DIAPH2: variants seen among roughly 807,000 people sequenced by gnomAD.
The protein encoded by DIAPH2 is diaphanous related formin 2.
In DIAPH2, 35 loss-of-function variants were observed where a neutral mutation model predicts 92.7. The observed-to-expected ratio is 0.38, with a 90% CI of 0.29 to 0.50. The LOEUF (loss-of-function observed/expected upper bound fraction) is 0.50, where lower values mean the gene tolerates loss of function less well. Among genes scored for constraint, DIAPH2 ranks in the 20% least tolerant of loss-of-function variants. The pLI, the probability that DIAPH2 is intolerant of heterozygous loss-of-function variation, is 0.94. For synonymous variants in DIAPH2, 301 were observed against 280.4 expected (o/e 1.07, Z -0.73); for missense variants, 701 against 819.5 (o/e 0.86, Z 1.77).
chrX:97,490,548 T>C (rs1166685464), intron 26 of DIAPH2, among the ~76,000 whole-genome samples: 2 of 110,357 alleles, frequency 1.8e-5, no homozygotes, highest in Non-Finnish European at 3.8e-5. Context: ...TTTATCACCA[T>C]AAATATCCCT....
intron 13 of DIAPH2, among the ~76,000 whole-genome samples, chrX:96,943,209 A>G (rs2065717058): frequency 9.0e-6 from 1 of 111,353 alleles, no homozygotes; most frequent in East Asian, 2.8e-4. Flanking sequence ...TAATGTCTGT[A>G]TAATATTCCA....
chrX:97,153,337 C>A (rs951318272), intron 22 of DIAPH2, among the ~76,000 whole-genome samples: 2 of 111,282 alleles, frequency 1.8e-5, no homozygotes, highest in Admixed American at 1.9e-4. Flanking sequence ...AATCCCAGCA[C>A]TTTGGGAGGC....
intron 21 of DIAPH2, among the ~76,000 whole-genome samples, chrX:97,138,558 T>C (rs2067188580): frequency 8.9e-6 from 1 of 112,129 alleles, no homozygotes; most frequent in Non-Finnish European, 1.9e-5. Context: ...ATATGGTTTA[T>C]TAACTGATGA....
chrX:96,714,180 A>G (rs1297071115), intron 1 of DIAPH2, among the ~76,000 whole-genome samples: 1 of 109,320 alleles, frequency 9.1e-6, no homozygotes, highest in African/African-American at 3.3e-5. Flanking sequence ...TCATTACCTC[A>G]TTGATTTAGT....
At chrX:96,825,255 C>A (rs981309578) in intron 4 of DIAPH2, among the ~76,000 whole-genome samples, 2 of 108,945 alleles carry the variant, frequency 1.8e-5, no homozygotes, top group Non-Finnish European at 3.8e-5. Context: ...CATGCCTGGC[C>A]GTATTAATGT....
intron 17 of DIAPH2, among the ~76,000 whole-genome samples, chrX:97,044,913 A>G (rs2066471005): frequency 2.7e-5 from 3 of 111,669 alleles, no homozygotes; most frequent in Non-Finnish European, 5.7e-5. Flanking sequence ...ACTCTTCTTA[A>G]GAACTCCAGT....
chrX:96,723,202 T>G (rs777376769), intron 1 of DIAPH2, among the ~76,000 whole-genome samples: 1 of 112,071 alleles, frequency 8.9e-6, no homozygotes, highest in East Asian at 2.8e-4. Context: ...GTGGGTCAAG[T>G]TTGACTTAAG....
intron 26 of DIAPH2, among the ~76,000 whole-genome samples, chrX:97,474,315 A>G (rs2070587233): frequency 2.7e-5 from 3 of 112,996 alleles, no homozygotes; most frequent in African/African-American, 6.4e-5. Flanking sequence ...AAAAATAGTA[A>G]TAAAAGCAAC....
chrX:96,867,173 G>A (rs1042146119), intron 4 of DIAPH2, among the ~76,000 whole-genome samples: 7 of 111,651 alleles, frequency 6.3e-5, no homozygotes, highest in Non-Finnish European at 9.4e-5. Context: ...AAGTCTATAC[G>A]CTCAAGTACT....
chrX:97,214,152 G>A (rs143091063), intron 22 of DIAPH2, among the ~76,000 whole-genome samples: 170 of 112,577 alleles, frequency 1.5e-3, no homozygotes, highest in African/African-American at 5.3e-3. Flanking sequence ...ATAACTTGAA[G>A]ACCAATCTTC....
At chrX:97,236,591 C>T (rs1361803308) in intron 22 of DIAPH2, among the ~76,000 whole-genome samples, 1 of 98,320 alleles carries the variant, frequency 1.0e-5, no homozygotes, top group Non-Finnish European at 2.0e-5. Context: ...ATCGCCCAGG[C>T]TGGAGTGCAG....
chrX:96,844,085 G>A (rs1050107912), intron 4 of DIAPH2, among the ~76,000 whole-genome samples: 2 of 111,912 alleles, frequency 1.8e-5, no homozygotes, highest in African/African-American at 6.5e-5. Context: ...ATAAGTGGCG[G>A]AATAGCATCC....
intron 23 of DIAPH2, among the ~76,000 whole-genome samples, chrX:97,325,647 G>A (rs771734538): frequency 2.2e-4 from 24 of 108,629 alleles, no homozygotes; most frequent in African/African-American, 7.7e-4. Flanking sequence ...GTGTGATCTC[G>A]GCTCACTGCA....
intron 23 of DIAPH2, among the ~76,000 whole-genome samples, chrX:97,275,708 T>C (rs753806359): frequency 3.8e-4 from 37 of 96,664 alleles, no homozygotes; most frequent in Middle Eastern, 0.014. Flanking sequence ...ACTCCCCACA[T>C]CTCAGACGAT....
At chrX:97,390,585 T>G (rs1234947316) in intron 25 of DIAPH2, among the ~76,000 whole-genome samples, 1 of 110,494 alleles carries the variant, frequency 9.1e-6, no homozygotes, top group Admixed American at 9.7e-5. Flanking sequence ...AAGGCTGGAG[T>G]GCAGTGATGC....
chrX:97,501,026 A>T (rs1312829343), intron 26 of DIAPH2, among the ~76,000 whole-genome samples: 1 of 109,158 alleles, frequency 9.2e-6, no homozygotes, highest in Non-Finnish European at 1.9e-5. Context: ...TTGTTGTCTA[A>T]AATGAATTTA....
At chrX:96,898,557 A>T (rs1025776814) in intron 5 of DIAPH2, among the ~76,000 whole-genome samples, 7 of 101,448 alleles carry the variant, frequency 6.9e-5, no homozygotes, top group African/African-American at 2.4e-4. Flanking sequence ...TCCTTCGCCC[A>T]CTTTTTGATG....
intron 21 of DIAPH2, among the ~76,000 whole-genome samples, chrX:97,122,400 G>C (rs2067064512): frequency 9.0e-6 from 1 of 111,344 alleles, no homozygotes; most frequent in African/African-American, 3.3e-5. Flanking sequence ...TTTTAGTTTT[G>C]TGTAGGCAAG....
At chrX:97,396,864 T>A (rs749584703) in intron 25 of DIAPH2, among the ~76,000 whole-genome samples, 2 of 111,956 alleles carry the variant, frequency 1.8e-5, no homozygotes, top group East Asian at 5.6e-4. Context: ...CTTATGTGTG[T>A]CTGTTCTGTA....
Sources: allele counts gnomAD v4.1 joint callset (sites outside exome capture counted in the v4.1 genomes callset), GRCh38; gene constraint gnomAD v4.1.1; transcripts MANE v1.5; gene names NCBI Gene and HGNC (gene_info 2026-07-23, HGNC 2026-07-21).